TRIM9: variants seen among roughly 807,000 people sequenced by gnomAD.
TRIM9 encodes E3 ubiquitin-protein ligase TRIM9.
TRIM9 carries 26 observed loss-of-function variants against 78.3 expected under a neutral mutation model. That is an observed-to-expected ratio of 0.33 (90% CI 0.24 to 0.46). The LOEUF (loss-of-function observed/expected upper bound fraction) is 0.46, where lower values mean the gene tolerates loss of function less well. TRIM9 is among the 20% of genes least tolerant of loss of function. The probability of loss-of-function intolerance (pLI) is 1.00; values close to 1 mark genes in which losing one functional copy is unlikely to be tolerated. For synonymous variants in TRIM9, 398 were observed against 416.5 expected (o/e 0.96, Z 0.54); for missense variants, 787 against 1,036.4 (o/e 0.76, Z 3.30).
chr14:51,062,213 TCTA>T lies in TRIM9; in HGVS notation c.822+31902_822+31904del, dbSNP rs1368180716. ...CTGTTTATGCATGTTATTCAACTTT[TCTA>T]CTAAGTCCTTTAATATGCTTACTAT... On this transcript the variant is annotated intron_variant, in intron 1 of 12. Transcript: ENST00000684578. Among the ~76,000 whole-genome samples the T allele has an allele frequency of 2.6e-5, 4 of 152,240 alleles. No homozygotes were observed. The East Asian group carries it at 7.7e-4, about 29-fold the overall frequency.
intron 1 of TRIM9, among the ~76,000 whole-genome samples, chr14:51,079,622 G>A (rs2063119284): frequency 6.6e-6 from 1 of 152,208 alleles, no homozygotes; most frequent in Non-Finnish European, 1.5e-5. Context: ...ATCAGAGCCA[G>A]CCCTAAAGCT....
intron 1 of TRIM9, among the ~76,000 whole-genome samples, chr14:51,027,641 T>C (rs377577305): frequency 2.0e-5 from 3 of 152,160 alleles, no homozygotes; most frequent in East Asian, 3.8e-4. Flanking sequence ...GAGCCTACAG[T>C]TGCAAAATTC....
rs372743437 is a variant in TRIM9 at position 51,000,663 on chromosome 14, G to A, written c.1464+20C>T. ...GTCACTGCTTTGGGTTAACAAGTAC[G>A]TAGTGGGCTGTCTACTGACCCGGAA... On this transcript the variant is annotated intron_variant, in intron 6 of 12. Transcript: ENST00000684578. 231 of 1,613,834 alleles carry A rather than the reference G, an allele frequency of 1.4e-4. No individual in the cohort carries two copies. The African/African-American group carries it at 1.8e-3, about 13-fold the overall frequency.
intron 1 of TRIM9, among the ~76,000 whole-genome samples, chr14:51,037,809 G>A (rs1341260291): frequency 6.6e-6 from 1 of 151,894 alleles, no homozygotes; most frequent in Non-Finnish European, 1.5e-5. Flanking sequence ...TACAACCAGC[G>A]GCGTTACCAT....
At chr14:50,981,744 T>C in intron 11 of TRIM9, 56 bp downstream of exon 11, 1 of 1,601,990 alleles carries the variant, frequency 6.2e-7, no homozygotes, top group Non-Finnish European at 8.5e-7. Context: ...ACTGGGGCTC[T>C]CACTCCTGAT....
chr14:51,062,459 CAT>C (rs1196516875), intron 1 of TRIM9, among the ~76,000 whole-genome samples: 4 of 152,162 alleles, frequency 2.6e-5, no homozygotes, highest in African/African-American at 9.7e-5. Flanking sequence ...AAATAACCCT[CAT>C]ATAAGTATCA....
chr14:51,067,427 C>A (rs1039771345), intron 1 of TRIM9, among the ~76,000 whole-genome samples: 28 of 152,296 alleles, frequency 1.8e-4, no homozygotes, highest in African/African-American at 6.5e-4. Flanking sequence ...TTTAAAAATG[C>A]AAATCAGATT....
chr14:51,052,077 G>GAGAAA (rs1195284713), intron 1 of TRIM9, among the ~76,000 whole-genome samples: 12 of 151,830 alleles, frequency 7.9e-5, no homozygotes, highest in East Asian at 1.9e-4. Context: ...GAAGAGAAGA[G>GAGAAA]AGAAAAGAAA....
chr14:51,042,736 C>T (rs879581172), intron 1 of TRIM9, among the ~76,000 whole-genome samples: 4 of 152,092 alleles, frequency 2.6e-5, no homozygotes, highest in East Asian at 1.9e-4. Flanking sequence ...GTCTTATTTG[C>T]AGGTAGGGGT....
Position 50,998,316 on chromosome 14 carries a change from G to C in TRIM9, c.1465-128C>G, listed in dbSNP as rs961520147. ...TCTAATCTGGATTTGAATCCTGTGAGATATTGGGCCATTTAATTTACCTTT... is the reference window on the plus strand; with the variant it reads ...TCTAATCTGGATTTGAATCCTGTGACATATTGGGCCATTTAATTTACCTTT... On this transcript the variant is annotated intron_variant, in intron 6 of 12. Coordinates refer to ENST00000684578, the MANE Select transcript of TRIM9 (RefSeq NM_001387360.1). 91 of 864,318 alleles carry C rather than the reference G, an allele frequency of 1.1e-4. No homozygotes were observed. In the African/African-American group the frequency reaches 1.3e-3, roughly 12 times the overall value. 53.5% of individuals were successfully genotyped at this position (864,318 alleles called of 1,614,324 possible).
chr14:50,998,010 C>A, intron 7 of TRIM9, 40 bp downstream of exon 7: 6 of 1,612,850 alleles, frequency 3.7e-6, no homozygotes, highest in Non-Finnish European at 5.1e-6. Context: ...TTAGATGCCA[C>A]GCAGTTCTCG....
At chr14:51,000,540 G>T in intron 6 of TRIM9, 143 bp downstream of exon 6, 1 of 1,091,836 alleles carries the variant, frequency 9.2e-7, no homozygotes, top group Non-Finnish European at 1.3e-6. Flanking sequence ...GAGAAAGCAG[G>T]CTTCAGGTGA....
intron 3 of TRIM9, among the ~76,000 whole-genome samples, chr14:51,022,364 C>T (rs141286145): frequency 2.0e-5 from 3 of 152,278 alleles, no homozygotes; most frequent in African/African-American, 7.2e-5. Flanking sequence ...TGCCTTCTGC[C>T]ATGGGATGAT....
At chr14:51,012,292 T>G (rs918522685) in intron 3 of TRIM9, among the ~76,000 whole-genome samples, 2 of 152,228 alleles carry the variant, frequency 1.3e-5, no homozygotes, top group African/African-American at 4.8e-5. Flanking sequence ...TGAATTTCAC[T>G]ATGCTAAGAA....
At chr14:51,035,353 T>G (rs188950995) in intron 1 of TRIM9, among the ~76,000 whole-genome samples, 57 of 152,288 alleles carry the variant, frequency 3.7e-4, no homozygotes, top group African/African-American at 1.3e-3. Context: ...ACTTGAGGGA[T>G]GAATAAGAAG....
At chr14:51,058,638 C>T (rs1449500301) in intron 1 of TRIM9, among the ~76,000 whole-genome samples, 1 of 144,924 alleles carries the variant, frequency 6.9e-6, no homozygotes, top group Non-Finnish European at 1.6e-5. Flanking sequence ...AGAGGATGGC[C>T]CCAAGACCAC....
At chr14:51,074,156 C>T (rs755465257) in intron 1 of TRIM9, among the ~76,000 whole-genome samples, 1 of 152,036 alleles carries the variant, frequency 6.6e-6, no homozygotes, top group Non-Finnish European at 1.5e-5. Context: ...CGGTGGCTCA[C>T]GTCTGTAATC....
Position 51,009,114 on chromosome 14 carries a change from T to A in TRIM9, c.1272A>T (p.Gln424His), listed in dbSNP as rs2056235029. 4 of 1,614,052 alleles carry A rather than the reference T, an allele frequency of 2.5e-6. No homozygotes were observed. The African/African-American group carries it at 4.0e-5, about 16-fold the overall frequency. The change falls in exon 5 of 13, where the codon CAA (glutamine) becomes CAT (histidine). Residue 424 changes from glutamine to histidine, a missense_variant. By Grantham distance (24) the Gln-to-His change is conservative. Around this residue, in one of 3 missense-constraint regions of TRIM9, gnomAD observed 421 missense variants for 514.3 expected, o/e 0.82. Transcript: ENST00000684578. ...DLSLDNSPLL[Q>H]SIHQLDFVQV... The stretch of plus-strand genomic sequence containing the variant: ...GCACGAAATCCAGCTGGTGGATGGA[T>A]TGCAGCAGAGGGCTGTTGTCCAGAC...
chr14:50,980,039 A>C (rs2051644977), intron 11 of TRIM9, among the ~76,000 whole-genome samples: 3 of 152,264 alleles, frequency 2.0e-5, no homozygotes, highest in Admixed American at 2.0e-4. Context: ...GAAAGTCAAA[A>C]TAAGAAGCAC....
Sources: gnomAD v4.1 joint callset for allele counts (sites outside exome capture counted in the v4.1 genomes callset) on GRCh38, gnomAD v4.1.1 for gene constraint, gnomAD v4.1.1 regional missense constraint, MANE v1.5 for transcripts, NCBI Gene and HGNC (gene_info 2026-07-23, HGNC 2026-07-21) for gene names.